Variants in ABCA13 observed in about 807,000 individuals in gnomAD.
ABCA13 encodes ATP-binding cassette sub-family A member 13.
A neutral mutation model predicts 478.7 loss-of-function variants in ABCA13; 476 were observed. The ratio of observed to expected loss-of-function variants is 0.99; its 90% CI spans 0.92 to 1.07. ABCA13 has a LOEUF of 1.07. Ranked by LOEUF, ABCA13 falls within the 50% of genes least tolerant of loss-of-function variation. The pLI is 0.00. For missense variants in ABCA13, 6,060 were observed against 5,910.6 expected, an observed-to-expected ratio of 1.03 and a Z score of -0.83; for synonymous variants, 2,252 against 2,158.9, an observed-to-expected ratio of 1.04 and a Z score of -1.20.
At chr7:48,350,309 C>G (rs1290076094) in intron 29 of ABCA13, among the ~76,000 whole-genome samples, 1 of 152,080 alleles carries the variant, frequency 6.6e-6, no homozygotes, top group African/African-American at 2.4e-5. Flanking sequence ...GTGAGAGGGT[C>G]TTTCCTATCA....
rs1263780139 is a variant in ABCA13, at chr7:48,281,392, G to A, written c.8776G>A (p.Ala2926Thr). ...VFQQTVKPSE[A>T]MEMLQKVKMM... is the part of the protein sequence containing the mutation. The stretch of plus-strand genomic sequence containing the variant: ...CCAGCAGACTGTGAAGCCCTCAGAA[G>A]CCATGGAGATGCTGCAGAAAGTGAA... The change falls in exon 19 of 62, where the codon GCC (alanine) becomes ACC (threonine). Residue 2926 changes from alanine to threonine, a missense_variant. By Grantham distance (58) the Ala-to-Thr change is moderately conservative (BLOSUM62 0). This residue lies in a region of ABCA13 where 4,423 missense variants were observed against 4,309.1 expected (regional missense o/e 1.03). Transcript: ENST00000435803. 3 of 1,609,682 alleles carry A rather than the reference G, an allele frequency of 1.9e-6. No individual in the cohort carries two copies. Among genetic ancestry groups the A allele is most frequent in the Admixed American group, 1.7e-5 (1 of 59,464 alleles).
chr7:48,572,176 T>A (rs963315888), intron 55 of ABCA13, among the ~76,000 whole-genome samples: 2 of 152,266 alleles, frequency 1.3e-5, no homozygotes, highest in Middle Eastern at 3.4e-3. Flanking sequence ...TGAAACTTTG[T>A]CTCAAATAAA....
rs374748171 is a variant in ABCA13 at position 48,350,677 on chromosome 7, C to T, written c.10239C>T (p.Gly3413=). The T allele has an allele frequency of 4.9e-5, 79 of 1,613,844 alleles. 1 individual carries two copies. The African/African-American group carries it at 7.5e-4, about 15-fold the overall frequency. Residue 3413 remains glycine (G), a synonymous_variant, in exon 30 of 62, where the codon GGC becomes GGT. Coordinates refer to ENST00000435803, the MANE Select transcript of ABCA13 (RefSeq NM_152701.5). ...TGGATGAGATGTTTAACCATGCAGGCGCTGGACGCTTCCGTTTCTTGGGCA... is the reference window on the plus strand; with the variant it reads ...TGGATGAGATGTTTAACCATGCAGGTGCTGGACGCTTCCGTTTCTTGGGCA... The part of the protein sequence containing the change: ...GLLDEMFNHA[G]AGRFRFLGSI...
intron 56 of ABCA13, among the ~76,000 whole-genome samples, chr7:48,583,023 A>G (rs1262235363): frequency 6.6e-6 from 1 of 152,166 alleles, no homozygotes; most frequent in Non-Finnish European, 1.5e-5. Context: ...AGGTAGTTTC[A>G]ATGTTAGTGT....
intron 21 of ABCA13, among the ~76,000 whole-genome samples, chr7:48,296,902 G>T (rs1799453670): frequency 6.6e-6 from 1 of 152,120 alleles, no homozygotes; most frequent in Non-Finnish European, 1.5e-5. Flanking sequence ...TCTGACCCTG[G>T]CTATCCTAAT....
intron 55 of ABCA13, among the ~76,000 whole-genome samples, chr7:48,571,726 A>T (rs918519137): frequency 6.6e-6 from 1 of 152,214 alleles, no homozygotes; most frequent in Non-Finnish European, 1.5e-5. Flanking sequence ...CTCATTCCTG[A>T]ATATATACAA....
chr7:48,493,139 G>A (rs931032896), intron 48 of ABCA13, among the ~76,000 whole-genome samples: 7 of 152,156 alleles, frequency 4.6e-5, no homozygotes, highest in South Asian at 2.1e-4. Flanking sequence ...GTTAATAAAA[G>A]TGTAAACACT....
At chr7:48,239,159 C>G (rs1790420325) in intron 8 of ABCA13, 82 bp from the exon 9 acceptor site, 1 of 1,439,470 alleles carries the variant, frequency 6.9e-7, no homozygotes, top group Admixed American at 1.9e-5. Flanking sequence ...TTTACTGTGG[C>G]AAGATCGTGG....
intron 55 of ABCA13, among the ~76,000 whole-genome samples, chr7:48,568,257 T>C (rs187220957): frequency 1.3e-5 from 2 of 152,218 alleles, no homozygotes; most frequent in East Asian, 3.9e-4. Flanking sequence ...AAATTCCATA[T>C]AAATAGGTTC....
chr7:48,425,316 T>C (rs1002630483), intron 41 of ABCA13, among the ~76,000 whole-genome samples: 1 of 152,238 alleles, frequency 6.6e-6, no homozygotes, highest in Non-Finnish European at 1.5e-5. Context: ...ATGAATATTG[T>C]TATCAATAAT....
At chr7:48,400,072 T>G (rs373166264) in intron 38 of ABCA13, among the ~76,000 whole-genome samples, 1 of 151,924 alleles carries the variant, frequency 6.6e-6, no homozygotes. Context: ...GAACACACTG[T>G]TCAAGCATCC....
intron 30 of ABCA13, among the ~76,000 whole-genome samples, chr7:48,351,394 G>T (rs950067320): frequency 3.9e-5 from 6 of 152,200 alleles, no homozygotes; most frequent in Non-Finnish European, 7.3e-5. Flanking sequence ...ACTAAAACAA[G>T]AGAAGTTTAT....
intron 30 of ABCA13, 119 bp downstream of exon 30, chr7:48,350,938 G>C (rs1010157648): frequency 5.9e-5 from 62 of 1,051,498 alleles, no homozygotes; most frequent in Non-Finnish European, 7.8e-5. Context: ...GTCCTTTCCA[G>C]ATAAAACATA....
At chr7:48,182,338 T>C (rs146159246) in intron 1 of ABCA13, among the ~76,000 whole-genome samples, 2 of 152,372 alleles carry the variant, frequency 1.3e-5, no homozygotes, top group African/African-American at 4.8e-5. Context: ...ACTTTCCCAA[T>C]TGTTTCCTCA....
At position 48,244,569 on chromosome 7, in the gene ABCA13, C is replaced by T; in HGVS notation, c.1263-7C>T. 6.2e-7 allele frequency: 1 copy of T among 1,610,502 alleles called. No homozygotes were observed. ...ATTTTATTTCATTTATTTATTTTTG[C>T]CCTCAGATTACAGCATCTGTGGAAA... On this transcript the variant is annotated splice_region_variant and splice_polypyrimidine_tract_variant and intron_variant, in intron 10 of 61. Transcript: ENST00000435803.
intron 58 of ABCA13, among the ~76,000 whole-genome samples, chr7:48,611,218 A>T (rs1266876992): frequency 6.6e-6 from 1 of 152,086 alleles, no homozygotes; most frequent in Non-Finnish European, 1.5e-5. Context: ...TCTATCTGAG[A>T]TCTCCTCACC....
chr7:48,329,791 A>T (rs796401988), intron 27 of ABCA13, among the ~76,000 whole-genome samples: 56 of 151,714 alleles, frequency 3.7e-4, no homozygotes, highest in African/African-American at 1.3e-3. Context: ...CCGTCTATCC[A>T]CCCATCCACC....
Position 48,338,376 on chromosome 7 carries a change from A to G in ABCA13, c.10125A>G (p.Arg3375=). Residue 3375 remains arginine, a synonymous_variant, in exon 29 of 62, where the codon AGA becomes AGG. Transcript: ENST00000435803. ...TTATTTTTCTTTAGGAGGCCCTGAGAAACAAATTTGTAAGAAACTTTGTAG... is the reference window on the plus strand; with the variant it reads ...TTATTTTTCTTTAGGAGGCCCTGAGGAACAAATTTGTAAGAAACTTTGTAG... ...QMFNQLQEAL[R]NKFVRNFVEN... The G allele has an allele frequency of 6.3e-7, 1 of 1,595,766 alleles. No homozygotes were observed. Among genetic ancestry groups the G allele is most frequent in the Non-Finnish European group, 8.5e-7 (1 of 1,170,776 alleles).
intron 3 of ABCA13, among the ~76,000 whole-genome samples, chr7:48,204,616 G>A (rs953821810): frequency 3.9e-5 from 6 of 152,070 alleles, no homozygotes. Flanking sequence ...CGATGCTTTG[G>A]GGCCCTCCAC....
Sources: gnomAD v4.1 joint callset for allele counts (sites outside exome capture counted in the v4.1 genomes callset) on GRCh38, gnomAD v4.1.1 for gene constraint, gnomAD v4.1.1 regional missense constraint, MANE v1.5 for transcripts, NCBI Gene and HGNC (gene_info 2026-07-23, HGNC 2026-07-21) for gene names.